Variants in RBFOX1 observed in about 807,000 individuals in gnomAD.
RBFOX1 encodes the protein RNA binding fox-1 homolog 1.
RBFOX1 carries 8 observed loss-of-function variants against 57.7 expected under a neutral mutation model. The ratio of observed to expected loss-of-function variants is 0.14; its 90% CI spans 0.08 to 0.25. RBFOX1 has a LOEUF of 0.25. Among genes scored for constraint, RBFOX1 ranks in the 10% least tolerant of loss-of-function variants. The pLI is 1.00. For missense variants in RBFOX1, 611 were observed against 548.5 expected (o/e 1.11, Z -1.14); for synonymous variants, 326 against 222.4 (o/e 1.47, Z -4.15).
At chr16:6,711,930 C>T (rs1409114170) in intron 3 of RBFOX1, among the ~76,000 whole-genome samples, 1 of 152,140 alleles carries the variant, frequency 6.6e-6, no homozygotes, top group Non-Finnish European at 1.5e-5. Flanking sequence ...TTGCCTTCTC[C>T]TACATTTCTT....
intron 2 of RBFOX1, among the ~76,000 whole-genome samples, chr16:5,583,681 G>C (rs2046745576): frequency 6.6e-6 from 1 of 152,132 alleles, no homozygotes; most frequent in Non-Finnish European, 1.5e-5. Context: ...CTGTAAAGTG[G>C]GGTCGATAAG....
At chr16:6,716,206 C>CA (rs1413348449) in intron 3 of RBFOX1, among the ~76,000 whole-genome samples, 2 of 152,172 alleles carry the variant, frequency 1.3e-5, no homozygotes, top group South Asian at 2.1e-4. Flanking sequence ...ATGTTGTTTA[C>CA]AAAAATGATG....
intron 11 of RBFOX1, among the ~76,000 whole-genome samples, chr16:7,636,396 A>G (rs1442864104): frequency 6.6e-6 from 1 of 152,166 alleles, no homozygotes. Context: ...TCCAGTATAC[A>G]TCTTCCTGTT....
intron 14 of RBFOX1, among the ~76,000 whole-genome samples, chr16:7,704,044 TTAGG>T (rs1455375130): frequency 1.3e-5 from 2 of 152,030 alleles, no homozygotes; most frequent in African/African-American, 4.8e-5. Context: ...GCACCTTGAG[TTAGG>T]TAGGGCTCAG....
chr16:6,426,677 G>T (rs2093938376), intron 2 of RBFOX1, among the ~76,000 whole-genome samples: 1 of 152,186 alleles, frequency 6.6e-6, no homozygotes, highest in African/African-American at 2.4e-5. Flanking sequence ...ACCTCAGAAA[G>T]ACCGGCAGAG....
At chr16:6,881,529 A>G (rs34795226) in intron 3 of RBFOX1, among the ~76,000 whole-genome samples, 38,445 of 151,974 alleles carry the variant, frequency 0.25, 5,093 homozygotes, top group African/African-American at 0.32. Flanking sequence ...TCTTCCGTCT[A>G]TGCATGTCTG....
intron 3 of RBFOX1, among the ~76,000 whole-genome samples, chr16:5,789,037 T>G (rs780510126): frequency 6.6e-6 from 1 of 152,096 alleles, no homozygotes; most frequent in Non-Finnish European, 1.5e-5. Flanking sequence ...TCCAAACTAG[T>G]GAAAAGTTTG....
chr16:5,880,049 G>A (rs772930098), intron 4 of RBFOX1, among the ~76,000 whole-genome samples: 8 of 152,156 alleles, frequency 5.3e-5, no homozygotes, highest in Admixed American at 2.6e-4. Flanking sequence ...AGTGAGGCCC[G>A]TGACAGTGAT....
At chr16:7,582,456 C>A (rs372092236) in intron 6 of RBFOX1, among the ~76,000 whole-genome samples, 3 of 152,322 alleles carry the variant, frequency 2.0e-5, no homozygotes, top group South Asian at 4.1e-4. Context: ...AACCACTATT[C>A]TAAAGAAATG....
chr16:6,855,988 C>G (rs2057813661), intron 3 of RBFOX1, among the ~76,000 whole-genome samples: 1 of 152,016 alleles, frequency 6.6e-6, no homozygotes, highest in African/African-American at 2.4e-5. Context: ...CTAATACAGG[C>G]CTATTGATCC....
chr16:7,254,139 C>T (rs975485496), intron 4 of RBFOX1, among the ~76,000 whole-genome samples: 19 of 152,130 alleles, frequency 1.2e-4, no homozygotes, highest in Admixed American at 2.0e-4. Flanking sequence ...CTGTGACCCC[C>T]TTGTTTGTCA....
intron 5 of RBFOX1, among the ~76,000 whole-genome samples, chr16:7,577,733 G>C (rs1187269070): frequency 6.6e-6 from 1 of 152,158 alleles, no homozygotes; most frequent in Non-Finnish European, 1.5e-5. Context: ...GTGTGACCCA[G>C]GCTCTGCAAA....
intron 3 of RBFOX1, among the ~76,000 whole-genome samples, chr16:5,793,624 G>T (rs2054778200): frequency 6.6e-6 from 1 of 152,198 alleles, no homozygotes; most frequent in Non-Finnish European, 1.5e-5. Flanking sequence ...CTCAAGAGCA[G>T]TGCTCACAAA....
intron 2 of RBFOX1, among the ~76,000 whole-genome samples, chr16:6,557,062 TAC>T (rs200490487): frequency 2.8e-5 from 4 of 143,546 alleles, no homozygotes; most frequent in Admixed American, 1.4e-4. Context: ...TATACATATA[TAC>T]ATACATATAT....
chr16:6,325,684 G>A (rs560112784), intron 2 of RBFOX1, among the ~76,000 whole-genome samples: 2 of 152,128 alleles, frequency 1.3e-5, no homozygotes, highest in South Asian at 2.1e-4. Context: ...TGGTAAAATA[G>A]GCTGGTTAAT....
chr16:6,368,923 A>G (rs370999616), intron 2 of RBFOX1, among the ~76,000 whole-genome samples: 33 of 152,354 alleles, frequency 2.2e-4, no homozygotes, highest in African/African-American at 3.1e-4. Flanking sequence ...GAGCAGTGAA[A>G]AATAAACCAG....
At chr16:6,192,781 C>T (rs979224223) in intron 1 of RBFOX1, among the ~76,000 whole-genome samples, 13 of 152,116 alleles carry the variant, frequency 8.5e-5, no homozygotes, top group Non-Finnish European at 4.4e-5. Context: ...ATGTGAAATG[C>T]TTAGCACAGG....
intron 4 of RBFOX1, among the ~76,000 whole-genome samples, chr16:7,476,855 A>G (rs73500369): frequency 0.017 from 2,555 of 152,290 alleles, 94 homozygotes; most frequent in African/African-American, 0.059. Context: ...CATTGCTTTT[A>G]TGCTGAATAT....
At chr16:7,350,015 C>A (rs180710437) in intron 4 of RBFOX1, among the ~76,000 whole-genome samples, 1 of 152,052 alleles carries the variant, frequency 6.6e-6, no homozygotes, top group Admixed American at 6.5e-5. Flanking sequence ...GGCATGATGG[C>A]GCATGCCTGT....
Sources: gnomAD v4.1 joint callset for allele counts (sites outside exome capture counted in the v4.1 genomes callset) on GRCh38, gnomAD v4.1.1 for gene constraint, MANE v1.5 for transcripts, NCBI Gene and HGNC (gene_info 2026-07-23, HGNC 2026-07-21) for gene names.